The following TRAPPC10 variants were observed in gnomAD, a reference collection of about 807,000 sequenced individuals.
The protein encoded by TRAPPC10 is TRAPP 130 kDa subunit.
Under a neutral mutation model 125.5 loss-of-function variants are expected in TRAPPC10, and 23 were observed. The ratio of observed to expected loss-of-function variants is 0.18; its 90% CI spans 0.13 to 0.26. The LOEUF is 0.26. TRAPPC10 is among the 10% of genes least tolerant of loss of function. The pLI is 1.00. For missense variants in TRAPPC10, 1,123 were observed against 1,308.4 expected (o/e 0.86, Z 2.19); for synonymous variants, 509 against 518.0 (o/e 0.98, Z 0.24).
At chr21:44,101,150 G>A (rs1005590223) in intron 21 of TRAPPC10, among the ~76,000 whole-genome samples, 3 of 72,052 alleles carry the variant, frequency 4.2e-5, no homozygotes, top group African/African-American at 9.1e-5. Context: ...GCAAAACTCC[G>A]CCTCAACAAC....
At chr21:44,037,134 G>C (rs1157727396) in intron 2 of TRAPPC10, among the ~76,000 whole-genome samples, 1 of 152,166 alleles carries the variant, frequency 6.6e-6, no homozygotes, top group African/African-American at 2.4e-5. Flanking sequence ...GCTGCTAGAA[G>C]TGAGAAGTAA....
At chr21:44,074,914 T>A (rs1302909762) in intron 8 of TRAPPC10, 125 bp from the exon 9 acceptor site, 18 of 707,034 alleles carry the variant, frequency 2.5e-5, no homozygotes, top group Non-Finnish European at 4.0e-5. Flanking sequence ...CAGATTTGAG[T>A]CATTGGGTAG....
intron 3 of TRAPPC10, among the ~76,000 whole-genome samples, chr21:44,050,677 C>G (rs1203444944): frequency 6.6e-6 from 1 of 152,174 alleles, no homozygotes; most frequent in Non-Finnish European, 1.5e-5. Context: ...AAAATGTGCA[C>G]TAGATAATTA....
intron 9 of TRAPPC10, among the ~76,000 whole-genome samples, chr21:44,076,268 C>T (rs1053877992): frequency 2.6e-5 from 4 of 152,126 alleles, no homozygotes; most frequent in African/African-American, 7.2e-5. Flanking sequence ...CAGATCACTT[C>T]GGAAGTAATT....
chr21:44,018,405 GA>G (rs981491020), intron 1 of TRAPPC10, among the ~76,000 whole-genome samples: 2 of 150,042 alleles, frequency 1.3e-5, no homozygotes, highest in African/African-American at 4.9e-5. Flanking sequence ...CCTGGTCTCA[GA>G]AAAAAAAATA....
intron 1 of TRAPPC10, among the ~76,000 whole-genome samples, chr21:44,020,798 G>C (rs2032429652): frequency 6.6e-6 from 1 of 152,140 alleles, no homozygotes; most frequent in African/African-American, 2.4e-5. Flanking sequence ...AAACATCCAG[G>C]TTAATGAGAA....
At chr21:44,092,671 G>C (rs1012425883) in intron 19 of TRAPPC10, among the ~76,000 whole-genome samples, 1 of 152,160 alleles carries the variant, frequency 6.6e-6, no homozygotes, top group Non-Finnish European at 1.5e-5. Context: ...TGTGCTTTTA[G>C]GTGTGGACTT....
At chr21:44,067,687 GTGT>G (rs540355629) in intron 7 of TRAPPC10, among the ~76,000 whole-genome samples, 334 of 152,308 alleles carry the variant, frequency 2.2e-3, no homozygotes, top group Non-Finnish European at 2.9e-3. Context: ...TAGTGACGAA[GTGT>G]TGTCTGCACA....
chr21:44,028,876 C>G (rs765467231), intron 1 of TRAPPC10, among the ~76,000 whole-genome samples: 1 of 152,172 alleles, frequency 6.6e-6, no homozygotes, highest in Non-Finnish European at 1.5e-5. Flanking sequence ...GGGTTTCGCT[C>G]ATGCCTCTGT....
At chr21:44,022,243 G>T (rs1210720410) in intron 1 of TRAPPC10, among the ~76,000 whole-genome samples, 1 of 148,888 alleles carries the variant, frequency 6.7e-6, no homozygotes, top group African/African-American at 2.5e-5. Context: ...CAAGTAGCTG[G>T]GATTACAGGC....
chr21:44,079,713 T>C lies in TRAPPC10; in HGVS notation c.1610+9T>C. Reference sequence around the variant, plus strand: ...CTTGGACAAATTGAAAAGTATCCTTTAATGTTTTCATGAAGCAGGAAAATT... The same window carrying C: ...CTTGGACAAATTGAAAAGTATCCTTCAATGTTTTCATGAAGCAGGAAAATT... On this transcript the variant is annotated intron_variant, in intron 12 of 22. Coordinates refer to ENST00000291574, the MANE Select transcript of TRAPPC10 (RefSeq NM_003274.5). The C allele has an allele frequency of 6.3e-7, 1 of 1,596,422 alleles. No homozygotes were observed. The highest frequency in any genetic ancestry group is 8.5e-7 in the Non-Finnish European group (1 of 1,175,840).
chr21:44,093,797 T>G (rs2038744432), intron 19 of TRAPPC10, among the ~76,000 whole-genome samples: 1 of 152,220 alleles, frequency 6.6e-6, no homozygotes, highest in Admixed American at 6.5e-5. Flanking sequence ...AATGATCTCA[T>G]ATGATATAAA....
Position 44,012,473 on chromosome 21 carries a change from G to T in TRAPPC10, c.-21G>T. 6.9e-7 allele frequency: 1 copy of T among 1,457,574 alleles called. No individual in the cohort carries two copies. The highest frequency in any genetic ancestry group is 9.1e-7 in the Non-Finnish European group (1 of 1,094,350). The allele number at this position is 1,457,574 out of a possible 1,614,324, so 90.3% of individuals were successfully genotyped here. A position where few individuals can be genotyped will look rare whatever the true frequency, so the allele number is the denominator to read the frequency against. On this transcript the variant is annotated 5_prime_UTR_variant, in exon 1 of 23. Transcript: ENST00000291574. ...GCTGCCCATGGGGCGCGGGGGGCCG[G>T]GCCGGTGACGCCGGACGCCCATGGA...
At chr21:44,051,737 C>T (rs1439782618) in intron 3 of TRAPPC10, among the ~76,000 whole-genome samples, 3 of 152,244 alleles carry the variant, frequency 2.0e-5, no homozygotes, top group Non-Finnish European at 4.4e-5. Flanking sequence ...CTGACACGGC[C>T]TTCGCAGACT....
At position 44,088,979 on chromosome 21, in the gene TRAPPC10, CTT is replaced by C. The variant is rs1166072439; in HGVS notation, c.2770-851_2770-850del. 2.4e-4 allele frequency: 41 copies of C among 168,936 alleles called. 3 individuals carry two copies. Among genetic ancestry groups the C allele is most frequent in the African/African-American group, 1.0e-3 (37 of 36,018 alleles). 10.5% of individuals were successfully genotyped at this position (168,936 alleles called of 1,614,324 possible). On this transcript the variant is annotated intron_variant, in intron 17 of 22. Transcript: ENST00000291574. ...CCTGTGCTGTGTGCCGTGTTATCCT[CTT>C]TTCCCTGGCACTGGCGGCACCTGTG...
At chr21:44,072,285 C>T (rs902035345) in intron 7 of TRAPPC10, among the ~76,000 whole-genome samples, 4 of 152,232 alleles carry the variant, frequency 2.6e-5, no homozygotes, top group Admixed American at 6.5e-5. Flanking sequence ...CTCAGTTCAG[C>T]GCCTGGTCGC....
chr21:44,072,052 C>T (rs77512084), intron 7 of TRAPPC10, among the ~76,000 whole-genome samples: 10,402 of 152,288 alleles, frequency 0.068, 451 homozygotes, highest in Middle Eastern at 0.096. Context: ...GAAAAGCTGC[C>T]GCTACCTGAT....
chr21:44,063,794 G>T lies in TRAPPC10; in HGVS notation c.1038+9G>T. On this transcript the variant is annotated intron_variant, in intron 7 of 22. Transcript: ENST00000291574. This position sits in a 1 kb window ranked among gnomAD's most constrained non-coding sequence, Gnocchi z 4.4. ...AACTGAAGCTCTTAGAAGTGAGTCG[G>T]CTGTTTTCCCAATTTACCCGTTTCT... is the stretch of plus-strand genomic sequence containing the variant. 1 of 1,607,098 alleles carries T rather than the reference G, an allele frequency of 6.2e-7. No homozygotes were observed. Among genetic ancestry groups the T allele is most frequent in the Non-Finnish European group, 8.5e-7 (1 of 1,176,188 alleles).
At chr21:44,016,635 C>T (rs943361484) in intron 1 of TRAPPC10, among the ~76,000 whole-genome samples, 2 of 152,064 alleles carry the variant, frequency 1.3e-5, no homozygotes, top group African/African-American at 4.8e-5. Flanking sequence ...TGGGATTTTC[C>T]CCTGTAGGTT....
Sources: allele counts gnomAD v4.1 joint callset (sites outside exome capture counted in the v4.1 genomes callset), GRCh38; gene constraint gnomAD v4.1.1; non-coding constraint Gnocchi (gnomAD v3.1); transcripts MANE v1.5; gene names NCBI Gene and HGNC (gene_info 2026-07-23, HGNC 2026-07-21).